The following SP100 variants were observed in gnomAD, a reference collection of about 807,000 sequenced individuals.
SP100 encodes the protein nuclear autoantigen Sp-100.
In SP100, 84 loss-of-function variants were observed where a neutral mutation model predicts 130.0. That is an observed-to-expected ratio of 0.65 (90% CI 0.54 to 0.77). SP100 has a LOEUF of 0.77. Ranked by LOEUF, SP100 falls within the 30% of genes least tolerant of loss-of-function variation. SP100 has a pLI of 0.00. For missense variants in SP100, 978 were observed against 1,052.2 expected (o/e 0.93, Z 0.97); for synonymous variants, 331 against 351.7 (o/e 0.94, Z 0.66).
At chr2:230,504,140 C>A in intron 20 of SP100, 46 bp from the exon 21 acceptor site, 1 of 1,032,018 alleles carries the variant, frequency 9.7e-7, no homozygotes, top group Non-Finnish European at 1.5e-6. Flanking sequence ...GGACAATGCA[C>A]AGTTGTAAAA....
At chr2:230,456,887 C>A (rs893781131) in intron 8 of SP100, among the ~76,000 whole-genome samples, 1 of 152,132 alleles carries the variant, frequency 6.6e-6, no homozygotes, top group Non-Finnish European at 1.5e-5. Context: ...ATTTTGAATT[C>A]TGCATAAGGC....
rs1018365790 is a variant in SP100, at chr2:230,419,423, G to A, written c.107+1758G>A. On this transcript the variant is annotated intron_variant, in intron 2 of 28. Coordinates refer to ENST00000340126, the MANE Select transcript of SP100 (RefSeq NM_001080391.2). ...GAGTAGCTGTCCTGGTGATCAGATC[G>A]ACTGTCCTGGTATAACAGAGCTTGT... is the stretch of plus-strand genomic sequence containing the variant. Among the ~76,000 whole-genome samples, 9 of 152,166 alleles carry A rather than the reference G, an allele frequency of 5.9e-5. 1 individual carries two copies. The highest frequency in any genetic ancestry group is 4.6e-4 in the Admixed American group (7 of 15,288).
chr2:230,437,142 A>G (rs1051046376), intron 2 of SP100, among the ~76,000 whole-genome samples: 5 of 152,112 alleles, frequency 3.3e-5, no homozygotes, highest in Non-Finnish European at 7.4e-5. Context: ...TTTTTATTTC[A>G]TAGTTTTAAT....
chr2:230,502,934 A>T (rs1369302283), intron 19 of SP100, 132 bp from the exon 20 acceptor site: 2 of 645,064 alleles, frequency 3.1e-6, no homozygotes, highest in East Asian at 5.4e-5. Context: ...TTACAAAAAA[A>T]GTTCCCGACT....
At chr2:230,432,638 T>C (rs151159637) in intron 2 of SP100, among the ~76,000 whole-genome samples, 1 of 152,312 alleles carries the variant, frequency 6.6e-6, no homozygotes, top group African/African-American at 2.4e-5. Context: ...GTTTTTATTT[T>C]TCATATGTCT....
At chr2:230,474,509 AG>A (rs892753759) in intron 17 of SP100, 62 bp downstream of exon 17, 1 of 807,730 alleles carries the variant, frequency 1.2e-6, no homozygotes, top group African/African-American at 1.8e-5. Context: ...TTTAATGCTA[AG>A]GTTTATTATC....
chr2:230,529,276 C>T (rs575126670), intron 24 of SP100, among the ~76,000 whole-genome samples: 30 of 152,144 alleles, frequency 2.0e-4, no homozygotes, highest in Non-Finnish European at 3.1e-4. Context: ...GTTCAACATA[C>T]GCAAATCAAT....
chr2:230,490,029 C>G (rs2066314662), intron 17 of SP100, among the ~76,000 whole-genome samples: 1 of 152,160 alleles, frequency 6.6e-6, no homozygotes, highest in African/African-American at 2.4e-5. Flanking sequence ...TCTATTAGGT[C>G]CACTTGATCC....
chr2:230,453,316 G>A (rs1350189243), intron 8 of SP100, among the ~76,000 whole-genome samples: 1 of 152,146 alleles, frequency 6.6e-6, no homozygotes, highest in Non-Finnish European at 1.5e-5. Flanking sequence ...ACATGTGGGG[G>A]TTATGGGAAC....
intron 24 of SP100, among the ~76,000 whole-genome samples, chr2:230,522,836 G>A (rs778334345): frequency 6.6e-6 from 1 of 151,098 alleles, no homozygotes; most frequent in Admixed American, 6.6e-5. Flanking sequence ...TTTTTTTGAG[G>A]CAGAGTCTCG....
intron 24 of SP100, among the ~76,000 whole-genome samples, chr2:230,512,183 T>C (rs1690634360): frequency 6.7e-6 from 1 of 149,904 alleles, no homozygotes; most frequent in Non-Finnish European, 1.5e-5. Context: ...AATAATTTGA[T>C]AACGATTTCT....
At chr2:230,534,246 AAT>A (rs1328720327) in intron 24 of SP100, among the ~76,000 whole-genome samples, 3 of 152,186 alleles carry the variant, frequency 2.0e-5, no homozygotes, top group East Asian at 3.9e-4. Context: ...TCTCTACTGA[AAT>A]ACAAAAAATT....
chr2:230,495,801 G>A (rs2066638322), intron 18 of SP100, among the ~76,000 whole-genome samples: 1 of 151,158 alleles, frequency 6.6e-6, no homozygotes, highest in Admixed American at 6.6e-5. Context: ...ATTTATTTTT[G>A]CATCTTGTAA....
intron 4 of SP100, 137 bp from the exon 5 acceptor site, chr2:230,446,681 CG>C: frequency 3.4e-6 from 2 of 586,378 alleles, no homozygotes; most frequent in Non-Finnish European, 6.1e-6. Flanking sequence ...CAGGGGATGA[CG>C]GGAGAACTTT....
chr2:230,470,034 T>A lies in SP100; in HGVS notation c.1365T>A (p.Phe455Leu). The A allele has an allele frequency of 2.5e-6, 4 of 1,612,764 alleles. No individual in the cohort carries two copies. Among genetic ancestry groups the A allele is most frequent in the Non-Finnish European group, 3.4e-6 (4 of 1,179,296 alleles). Residue 455 changes from phenylalanine (F) to leucine (L), a missense_variant, in exon 15 of 29, where the codon TTT becomes TTA. Physicochemically the swap from Phe to Leu is conservative, Grantham distance 22. Coordinates refer to ENST00000340126, the MANE Select transcript of SP100 (RefSeq NM_001080391.2). The stretch of plus-strand genomic sequence containing the variant: ...CTGCAGGTTTCAGCAGTAGTGACTT[T>A]TCAGACCTGAGTAATGGAGAAGAGC... ...SRKRRFSSSD[F>L]SDLSNGEELQ... is the part of the protein sequence containing the mutation.
In SP100 at chr2:230,461,281, C is replaced by G. The variant is rs775466318; in HGVS notation, c.840C>G (p.His280Gln). ...AATTAGGCCCAGAGGCAGAGCTACACAACCATGGAATCCAAATTAATTCCT... is the reference window on the plus strand; with the variant it reads ...AATTAGGCCCAGAGGCAGAGCTACAGAACCATGGAATCCAAATTAATTCCT... ...CDEESPEAEL[H>Q]NHGIQINSCS... The change falls in exon 9 of 29, where the codon CAC (histidine) becomes CAG (glutamine). Residue 280 changes from histidine (H) to glutamine (Q), a missense_variant. Physicochemically the swap from His to Gln is conservative, Grantham distance 24. Transcript: ENST00000340126. The G allele has an allele frequency of 6.2e-7, 1 of 1,614,050 alleles. No individual in the cohort carries two copies. Among genetic ancestry groups the G allele is most frequent in the South Asian group, 1.1e-5 (1 of 91,086 alleles).
chr2:230,513,681 A>C (rs998090737), intron 24 of SP100, among the ~76,000 whole-genome samples: 6 of 152,234 alleles, frequency 3.9e-5, no homozygotes, highest in African/African-American at 1.4e-4. Flanking sequence ...CAGTTTGCTG[A>C]CAAGATGAGG....
chr2:230,519,500 G>C (rs1435677629), intron 24 of SP100, among the ~76,000 whole-genome samples: 1 of 152,268 alleles, frequency 6.6e-6, no homozygotes, highest in East Asian at 1.9e-4. Context: ...TGTGTGTATT[G>C]TGACATTCCA....
At chr2:230,436,634 A>T (rs1029732835) in intron 2 of SP100, among the ~76,000 whole-genome samples, 1 of 152,200 alleles carries the variant, frequency 6.6e-6, no homozygotes, top group Non-Finnish European at 1.5e-5. Context: ...TCTTTCCTTT[A>T]TAAATTACCC....
Sources: gnomAD v4.1 joint callset for allele counts (sites outside exome capture counted in the v4.1 genomes callset) on GRCh38, gnomAD v4.1.1 for gene constraint, MANE v1.5 for transcripts, NCBI Gene and HGNC (gene_info 2026-07-23, HGNC 2026-07-21) for gene names.